The following ALDH16A1 variants were observed in gnomAD, a reference collection of about 807,000 sequenced individuals.
ALDH16A1 encodes the protein aldehyde dehydrogenase family 16 member A1.
Under a neutral mutation model 96.1 loss-of-function variants are expected in ALDH16A1, and 88 were observed. The ratio of observed to expected loss-of-function variants is 0.92; its 90% CI spans 0.77 to 1.09. ALDH16A1 has a LOEUF of 1.09. ALDH16A1 is among the 50% of genes least tolerant of loss of function. The pLI, the probability that ALDH16A1 is intolerant of heterozygous loss-of-function variation, is 0.00. For synonymous variants in ALDH16A1, 522 were observed against 496.4 expected (o/e 1.05, Z -0.69); for missense variants, 1,250 against 1,112.6 (o/e 1.12, Z -1.76).
At position 49,459,670 on chromosome 19, in the gene ALDH16A1, G is replaced by A. The variant is rs139828172; in HGVS notation, c.321G>A (p.Arg107=). Residue 107 remains arginine, a splice_region_variant and synonymous_variant, in exon 4 of 17, where the codon AGG becomes AGA. Transcript: ENST00000293350. This position sits in a 1 kb window ranked among gnomAD's most constrained non-coding sequence, Gnocchi z 4.1. The part of the protein sequence containing the change: ...PGVVRAQHLT[R]LAEVIQKHQR... ...GAGCACCCTCTTGCTTTCTCGACAG[G>A]CTGGCCGAGGTGATCCAGAAGCACC... is the stretch of plus-strand genomic sequence containing the variant. 2.8e-5 allele frequency: 45 copies of A among 1,604,356 alleles called. 1 individual carries two copies. Among genetic ancestry groups the A allele is most frequent in the Non-Finnish European group, 3.7e-5 (44 of 1,175,332 alleles).
chr19:49,461,357 G>C (rs1326058964), intron 5 of ALDH16A1, among the ~76,000 whole-genome samples: 18 of 140,734 alleles, frequency 1.3e-4, no homozygotes, highest in South Asian at 2.3e-4. Context: ...GGGAGGAGGG[G>C]CTGGAGTCTG....
chr19:49,462,456 T>G, intron 7 of ALDH16A1, 114 bp from the exon 8 acceptor site: 2 of 1,286,842 alleles, frequency 1.6e-6, no homozygotes, highest in Non-Finnish European at 2.2e-6. Context: ...TAGGACTCTG[T>G]TGATTTATCT....
In ALDH16A1 at chr19:49,468,759, C is replaced by T; in HGVS notation, c.2125-105C>T. 1 of 1,432,656 alleles carries T rather than the reference C, an allele frequency of 7.0e-7. No individual in the cohort carries two copies. The highest frequency in any genetic ancestry group is 1.3e-5 in the South Asian group (1 of 78,326). The allele number at this position is 1,432,656 out of a possible 1,614,324, so 88.7% of individuals were successfully genotyped here. A position where few individuals can be genotyped will look rare whatever the true frequency, so the allele number is the denominator to read the frequency against. ...TTCACCCTAGGCCTGGGGCTTTCTC[C>T]TCCATGACCCCCCATCCCCTTCCCT... On this transcript the variant is annotated intron_variant, in intron 15 of 16. Coordinates refer to ENST00000293350, the MANE Select transcript of ALDH16A1 (RefSeq NM_153329.4). This position sits in a 1 kb window ranked among gnomAD's most constrained non-coding sequence, Gnocchi z 4.4.
rs61732838 is a variant in ALDH16A1 at position 49,453,393 on chromosome 19, C to G, written c.62C>G (p.Pro21Arg). 2 of 1,561,716 alleles carry G rather than the reference C, an allele frequency of 1.3e-6. No individual in the cohort carries two copies. The highest frequency in any genetic ancestry group is 1.9e-5 in the Admixed American group (1 of 53,776). The part of the protein sequence containing the change: ...REIFTSLEYG[P>R]VPESHACALA... ...ATCTTCACCTCGCTGGAGTACGGAC[C>G]GGTGCCGGAGAGCCACGCATGCGCA... Residue 21 changes from proline to arginine, a missense_variant, in exon 1 of 17, where the codon CCG becomes CGG. Pro to Arg is a moderately radical substitution (Grantham distance 103). Transcript: ENST00000293350.
rs1378687528 is a variant in ALDH16A1 at position 49,459,044 on chromosome 19, G to A, written c.278G>A (p.Trp93Ter). 2 of 1,613,382 alleles carry A rather than the reference G, an allele frequency of 1.2e-6. No homozygotes were observed. The highest frequency in any genetic ancestry group is 1.7e-5 in the Admixed American group (1 of 60,030). The change falls in exon 3 of 17, where the codon TGG (tryptophan) becomes TAG (stop). Residue 93 changes from tryptophan to a stop codon, truncating the protein, a stop_gained. Coordinates refer to ENST00000293350, the MANE Select transcript of ALDH16A1 (RefSeq NM_153329.4). LOFTEE classifies it high-confidence loss of function. This position sits in a 1 kb window ranked among gnomAD's most constrained non-coding sequence, Gnocchi z 4.1. ...VEAARMAFKG[W>*]SAHPGVVRAQ... ...GCAGCCAGGATGGCATTTAAGGGCT[G>A]GAGTGCGCACCCCGGCGTCGTCCGG...
intron 5 of ALDH16A1, among the ~76,000 whole-genome samples, chr19:49,461,245 A>G (rs1285972629): frequency 1.4e-5 from 1 of 72,182 alleles, no homozygotes; most frequent in Non-Finnish European, 2.6e-5. Context: ...GTGAGGGAGG[A>G]GGGGCTGGGG....
chr19:49,460,919 G>T lies in ALDH16A1; in HGVS notation c.577+20G>T. 2 of 1,609,152 alleles carry T rather than the reference G, an allele frequency of 1.2e-6. No individual in the cohort carries two copies. Among genetic ancestry groups the T allele is most frequent in the African/African-American group, 1.3e-5 (1 of 74,926 alleles). On this transcript the variant is annotated intron_variant, in intron 5 of 16. Transcript: ENST00000293350. ...CTGTGGGTAAATGATGGCCTGGGGGGTCCTGACTCTTGGGTCTGAGAAAGG... is the reference window on the plus strand; with the variant it reads ...CTGTGGGTAAATGATGGCCTGGGGGTTCCTGACTCTTGGGTCTGAGAAAGG...
rs1490973498 is a variant in ALDH16A1 at position 49,461,741 on chromosome 19, G to T, written c.700G>T (p.Val234Leu). 1.9e-6 allele frequency: 3 copies of T among 1,610,336 alleles called. No individual in the cohort carries two copies. Among genetic ancestry groups the T allele is most frequent in the Non-Finnish European group, 2.5e-6 (3 of 1,178,428 alleles). Residue 234 changes from valine to leucine, a missense_variant, in exon 6 of 17, where the codon GTG becomes TTG. Val to Leu is a conservative substitution (Grantham distance 32). Coordinates refer to ENST00000293350, the MANE Select transcript of ALDH16A1 (RefSeq NM_153329.4). The part of the protein sequence containing the change: ...LNVLSGPASL[V>L]PILASQPGIR... ...TGTCCTCAGTGGCCCTGCGTCCCTG[G>T]TGCCCATCCTGGCCTCCCAGCCTGG... is the stretch of plus-strand genomic sequence containing the variant.
Position 49,460,820 on chromosome 19 carries a change from A to C in ALDH16A1, c.500-2A>C, listed in dbSNP as rs762477829. 2 of 1,611,122 alleles carry C rather than the reference A, an allele frequency of 1.2e-6. No homozygotes were observed. The highest frequency in any genetic ancestry group is 1.7e-6 in the Non-Finnish European group (2 of 1,178,898). Reference sequence around the variant, plus strand: ...TCCTCTTGCCTCATTTTTTTCTTGCAGGAGTAATTGGCCTCATCCTGCCAC... The same window carrying C: ...TCCTCTTGCCTCATTTTTTTCTTGCCGGAGTAATTGGCCTCATCCTGCCAC... On this transcript the variant is annotated splice_acceptor_variant, in intron 4 of 16. Transcript: ENST00000293350. LOFTEE classifies it high-confidence loss of function.
Position 49,458,586 on chromosome 19 carries a change from C to G in ALDH16A1, c.191C>G (p.Thr64Arg). ...RNSVPCQDPI[T>R]GENLASCLQA... ...TCAGTGCCTTGCCAGGATCCCATCA[C>G]AGGTACGAGATGTCCCCCAGTCATT... The change falls in exon 2 of 17, where the codon ACA becomes AGA. Residue 64 changes from threonine to arginine, a missense_variant and splice_region_variant. Thr to Arg is a moderately conservative substitution (Grantham distance 71). Coordinates refer to ENST00000293350, the MANE Select transcript of ALDH16A1 (RefSeq NM_153329.4). The G allele has an allele frequency of 6.4e-7, 1 of 1,557,072 alleles. No homozygotes were observed. Among genetic ancestry groups the G allele is most frequent in the Non-Finnish European group, 8.7e-7 (1 of 1,149,110 alleles).
At position 49,453,400 on chromosome 19, in the gene ALDH16A1, G is replaced by A. The variant is rs770469320; in HGVS notation, c.69G>A (p.Pro23=). 3 of 1,556,804 alleles carry A rather than the reference G, an allele frequency of 1.9e-6. No homozygotes were observed. Among genetic ancestry groups the A allele is most frequent in the South Asian group, 2.4e-5 (2 of 85,100 alleles). The change falls in exon 1 of 17, where the codon CCG becomes CCA. Residue 23 remains proline (P), a synonymous_variant. Transcript: ENST00000293350. ...CCTCGCTGGAGTACGGACCGGTGCC[G>A]GAGAGCCACGCATGCGCACTGGTGA... is the stretch of plus-strand genomic sequence containing the variant. ...IFTSLEYGPV[P]ESHACALAWL... is the part of the protein sequence containing the mutation.
At chr19:49,455,109 C>T (rs895773209) in intron 1 of ALDH16A1, among the ~76,000 whole-genome samples, 3 of 146,156 alleles carry the variant, frequency 2.1e-5, no homozygotes, top group South Asian at 2.2e-4. Context: ...CGGAGCAAGA[C>T]GCTGTCTCCA....
In ALDH16A1 at chr19:49,459,572, G is replaced by A; in HGVS notation, c.321-98G>A. On this transcript the variant is annotated intron_variant, in intron 3 of 16. Transcript: ENST00000293350. This position sits in a 1 kb window ranked among gnomAD's most constrained non-coding sequence, Gnocchi z 4.1. ...AGGTAAATGGTGGGGATGCCTCAGG[G>A]GCTCATGGGGATTGTAGTCCAGGTA... The A allele has an allele frequency of 1.4e-6, 2 of 1,387,554 alleles. No homozygotes were observed. The highest frequency in any genetic ancestry group is 1.9e-6 in the Non-Finnish European group (2 of 1,038,082). 86.0% of individuals were successfully genotyped at this position (1,387,554 alleles called of 1,614,324 possible).
At chr19:49,461,088 A>G (rs112037940) in intron 5 of ALDH16A1, among the ~76,000 whole-genome samples, 189 bp downstream of exon 5, 447 of 78,142 alleles carry the variant, frequency 5.7e-3, no homozygotes, top group Middle Eastern at 0.029. Context: ...TGGACTCCTG[A>G]GTCTGAGGGA....
chr19:49,460,378 C>T (rs1008750374), intron 4 of ALDH16A1, among the ~76,000 whole-genome samples: 13 of 151,866 alleles, frequency 8.6e-5, no homozygotes, highest in Non-Finnish European at 7.4e-5. Context: ...ACTGGGACTA[C>T]GACCATGCAC....
At chr19:49,455,763 T>G (rs1010875251) in intron 1 of ALDH16A1, among the ~76,000 whole-genome samples, 5 of 152,184 alleles carry the variant, frequency 3.3e-5, no homozygotes, top group Non-Finnish European at 5.9e-5. Context: ...AAAAGTGAAG[T>G]TGAGACTTGG....
chr19:49,453,345 G>T lies in ALDH16A1; in HGVS notation c.14G>T (p.Arg5Leu), dbSNP rs866652125. Residue 5 changes from arginine (R) to leucine (L), a missense_variant, in exon 1 of 17, where the codon CGT becomes CTT. Physicochemically the swap from Arg to Leu is moderately radical, Grantham distance 102 (BLOSUM62 -2). Transcript: ENST00000293350. ...TCGGGGTAGGCGATGGCTGCGACGC[G>T]TGCAGGGCCCCGCGCCCGCGAGATC... MAAT[R>L]AGPRAREIFT... 1.3e-6 allele frequency: 2 copies of T among 1,551,438 alleles called. No individual in the cohort carries two copies. The highest frequency in any genetic ancestry group is 2.4e-5 in the East Asian group (1 of 42,082).
rs2079219886 is a variant in ALDH16A1 at position 49,468,629 on chromosome 19, C to T, written c.2124+63C>T. ...CCTCAGGGCAGCAGAAAAAGGCGCC[C>T]CAAAGTCGGCAGGAGCTTGTCTCTT... On this transcript the variant is annotated intron_variant, in intron 15 of 16. Transcript: ENST00000293350. The surrounding 1 kb of genome is among the most constrained non-coding windows in gnomAD (Gnocchi z 4.4). 8 of 1,563,414 alleles carry T rather than the reference C, an allele frequency of 5.1e-6. No homozygotes were observed. Among genetic ancestry groups the T allele is most frequent in the Non-Finnish European group, 6.0e-6 (7 of 1,157,722 alleles).
chr19:49,462,672 G>A lies in ALDH16A1; in HGVS notation c.1015G>A (p.Ala339Thr). ...RLRSGRGLDG[A>T]VDMGARGAAA... ...TCGGAGTGGCCGAGGGCTGGATGGGGCCGTGGACATGGGGGCCCGGGGGGC... is the reference window on the plus strand; with the variant it reads ...TCGGAGTGGCCGAGGGCTGGATGGGACCGTGGACATGGGGGCCCGGGGGGC... The change falls in exon 8 of 17, where the codon GCC (alanine) becomes ACC (threonine). Residue 339 changes from alanine (A) to threonine (T), a missense_variant. Ala to Thr is a moderately conservative substitution (Grantham distance 58). Coordinates refer to ENST00000293350, the MANE Select transcript of ALDH16A1 (RefSeq NM_153329.4). 2 of 1,610,468 alleles carry A rather than the reference G, an allele frequency of 1.2e-6. No homozygotes were observed. Among genetic ancestry groups the A allele is most frequent in the Non-Finnish European group, 1.7e-6 (2 of 1,179,408 alleles).
Sources: allele counts gnomAD v4.1 joint callset (sites outside exome capture counted in the v4.1 genomes callset), GRCh38; gene constraint gnomAD v4.1.1; non-coding constraint Gnocchi (gnomAD v3.1); transcripts MANE v1.5; gene names NCBI Gene and HGNC (gene_info 2026-07-23, HGNC 2026-07-21).